MTMR9: variants seen among roughly 807,000 people sequenced by gnomAD.
MTMR9 encodes the protein myotubularin related protein 9.
Under a neutral mutation model 69.5 loss-of-function variants are expected in MTMR9, and 39 were observed. That is an observed-to-expected ratio of 0.56 (90% CI 0.43 to 0.73). The LOEUF (loss-of-function observed/expected upper bound fraction) is 0.73, where lower values mean the gene tolerates loss of function less well. Ranked by LOEUF, MTMR9 falls within the 30% of genes least tolerant of loss-of-function variation. The pLI is 0.00. For missense variants in MTMR9, 900 were observed against 671.2 expected, an observed-to-expected ratio of 1.34 and a Z score of -3.77; for synonymous variants, 354 against 240.8, an observed-to-expected ratio of 1.47 and a Z score of -4.35.
chr8:11,293,515 CT>C (rs1380760607), intron 1 of MTMR9, among the ~76,000 whole-genome samples: 1 of 152,184 alleles, frequency 6.6e-6, no homozygotes, highest in African/African-American at 2.4e-5. Flanking sequence ...CCTTTTCATG[CT>C]CTTTAACCCT....
In MTMR9 at chr8:11,323,068, G is replaced by C. The variant is rs1800768267; in HGVS notation, c.*280G>C. 8.3e-6 allele frequency: 2 copies of C among 240,472 alleles called. No homozygotes were observed. Among genetic ancestry groups the C allele is most frequent in the African/African-American group, 2.3e-5 (1 of 44,026 alleles). 14.9% of individuals were successfully genotyped at this position (240,472 alleles called of 1,614,324 possible). A position where few individuals can be genotyped will look rare whatever the true frequency, so the allele number is the denominator to read the frequency against. On this transcript the variant is annotated 3_prime_UTR_variant, in exon 10 of 10. Transcript: ENST00000221086. ...ATAGATGACCTATTTAATGCCATTT[G>C]TGTTTCATGCCATTTTATCCAAAGC...
At chr8:11,320,420 T>A (rs974287202) in intron 9 of MTMR9, 2 of 152,236 alleles carry the variant, frequency 1.3e-5, no homozygotes, top group Non-Finnish European at 2.9e-5. Flanking sequence ...GTATGGAAGC[T>A]TATTAATTAA....
At chr8:11,286,332 G>A (rs1799153900) in intron 1 of MTMR9, among the ~76,000 whole-genome samples, 1 of 151,630 alleles carries the variant, frequency 6.6e-6, no homozygotes, top group Non-Finnish European at 1.5e-5. Flanking sequence ...ATGAGCAGGG[G>A]GCTCTTATTA....
At chr8:11,331,507 G>A (rs763548928), downstream of MTMR9, 32 of 1,613,808 alleles carry the variant, frequency 2.0e-5, no homozygotes, top group African/African-American at 8.0e-5. Flanking sequence ...GCCACTGTTC[G>A]CAAAGGTTCT....
At chr8:11,287,799 A>G (rs1354267904) in intron 1 of MTMR9, among the ~76,000 whole-genome samples, 2,703 of 26,074 alleles carry the variant, frequency 0.1, 132 homozygotes, top group African/African-American at 0.33. Context: ...TATATAATAC[A>G]TATTATATAA....
intron 6 of MTMR9, among the ~76,000 whole-genome samples, chr8:11,314,634 G>C (rs1800337151): frequency 6.6e-6 from 1 of 152,192 alleles, no homozygotes; most frequent in South Asian, 2.1e-4. Context: ...GAAAAATTCA[G>C]CTAAAAGGTT....
chr8:11,286,400 CA>C (rs1313395023), intron 1 of MTMR9, among the ~76,000 whole-genome samples: 1 of 151,720 alleles, frequency 6.6e-6, no homozygotes, highest in African/African-American at 2.4e-5. Flanking sequence ...CACGGTGGCT[CA>C]CGCCTGTAAT....
intron 5 of MTMR9, among the ~76,000 whole-genome samples, chr8:11,308,434 T>A (rs1173856143): frequency 6.6e-6 from 1 of 152,264 alleles, no homozygotes. Context: ...TTGATTACTT[T>A]AGCTTTGTAG....
intron 4 of MTMR9, among the ~76,000 whole-genome samples, chr8:11,305,223 C>G (rs754923632): frequency 5.3e-5 from 8 of 152,158 alleles, no homozygotes; most frequent in Non-Finnish European, 1.0e-4. Context: ...CATGATCCTG[C>G]TCAGCCGTAT....
At chr8:11,322,152 T>C (rs1800723908) in intron 9 of MTMR9, among the ~76,000 whole-genome samples, 1 of 152,200 alleles carries the variant, frequency 6.6e-6, no homozygotes, top group South Asian at 2.1e-4. Flanking sequence ...GTTCAGGCTT[T>C]CAAATAACAA....
chr8:11,321,312 A>G (rs1482081575), intron 9 of MTMR9: 1 of 406,080 alleles, frequency 2.5e-6, no homozygotes, highest in South Asian at 1.8e-5. Context: ...CGTCACAGTC[A>G]GTACAGGGTT....
At chr8:11,294,623 T>A (rs1234429743) in intron 1 of MTMR9, among the ~76,000 whole-genome samples, 2 of 150,838 alleles carry the variant, frequency 1.3e-5, no homozygotes, top group African/African-American at 4.9e-5. Flanking sequence ...TGCCTGAGCC[T>A]CCTGAGTAGC....
At chr8:11,298,794 G>C in intron 2 of MTMR9, 1 of 979,852 alleles carries the variant, frequency 1.0e-6, no homozygotes, top group Non-Finnish European at 1.2e-6. Flanking sequence ...TCTGCCTAGT[G>C]ATAGAGACTT....
chr8:11,297,937 A>C (rs1267430593), intron 2 of MTMR9: 5 of 456,074 alleles, frequency 1.1e-5, no homozygotes, highest in Non-Finnish European at 2.2e-5. Context: ...CCCCGAATAC[A>C]TCTGGACACG....
In MTMR9 at chr8:11,315,039, C is replaced by A; in HGVS notation, c.1088C>A (p.Ala363Asp). Residue 363 changes from alanine (A) to aspartate (D), a missense_variant, in exon 7 of 10, where the codon GCC (alanine) becomes GAC (aspartate). Coordinates refer to ENST00000221086, the MANE Select transcript of MTMR9 (RefSeq NM_015458.4). ...AGCAGGACCATTCGTGGTTTTGAGGCCCTGATTGAAAGAGAGTGGCTGCAG... is the reference window on the plus strand; with the variant it reads ...AGCAGGACCATTCGTGGTTTTGAGGACCTGATTGAAAGAGAGTGGCTGCAG... ...PRSRTIRGFEALIEREWLQAG... is the reference protein window; with the variant it reads ...PRSRTIRGFEDLIEREWLQAG... 1 of 1,613,566 alleles carries A rather than the reference C, an allele frequency of 6.2e-7. No homozygotes were observed. Among genetic ancestry groups the A allele is most frequent in the Non-Finnish European group, 8.5e-7 (1 of 1,179,642 alleles).
intron 3 of MTMR9, among the ~76,000 whole-genome samples, chr8:11,303,840 C>CT (rs59564856): frequency 0.025 from 3,836 of 152,170 alleles, 152 homozygotes; most frequent in African/African-American, 0.085. Flanking sequence ...AGCCTAGAAA[C>CT]TATGTTTTTA....
intron 1 of MTMR9, among the ~76,000 whole-genome samples, chr8:11,294,390 GC>G (rs1381099865): frequency 2.0e-5 from 3 of 151,830 alleles, no homozygotes; most frequent in African/African-American, 7.3e-5. Flanking sequence ...TTTTGTAAAT[GC>G]CCTTATCAGG....
intron 8 of MTMR9, chr8:11,318,913 AC>A: frequency 6.6e-6 from 1 of 152,272 alleles, no homozygotes; most frequent in Admixed American, 6.5e-5. Flanking sequence ...TAAGAAGGAT[AC>A]AGTGGACTTT....
At chr8:11,333,154 C>A in the MTMR9 span, among the ~76,000 whole-genome samples, 5 of 152,132 alleles carry the variant, frequency 3.3e-5, no homozygotes, top group African/African-American at 1.2e-4. Flanking sequence ...ATCCAAGAAG[C>A]CTCTACAACA....
Sources: allele counts gnomAD v4.1 joint callset (sites outside exome capture counted in the v4.1 genomes callset), GRCh38; gene constraint gnomAD v4.1.1; transcripts MANE v1.5; gene names NCBI Gene and HGNC (gene_info 2026-07-23, HGNC 2026-07-21).